Variants in TDRD3 observed in about 807,000 individuals in gnomAD.
TDRD3 encodes tudor domain-containing protein 3.
TDRD3 carries 45 observed loss-of-function variants against 86.7 expected under a neutral mutation model. The ratio of observed to expected loss-of-function variants is 0.52; its 90% confidence interval spans 0.41 to 0.67. The LOEUF (loss-of-function observed/expected upper bound fraction) is 0.67. Ranked by LOEUF, TDRD3 falls within the 30% of genes least tolerant of loss-of-function variation. The pLI, the probability that TDRD3 is intolerant of heterozygous loss-of-function variation, is 0.00. For missense variants in TDRD3, 814 were observed against 889.0 expected (o/e 0.92, Z 1.07); for synonymous variants, 298 against 301.7 (o/e 0.99, Z 0.13).
chr13:60,483,057 A>C (rs1017719990), intron 5 of TDRD3, among the ~76,000 whole-genome samples: 2 of 152,084 alleles, frequency 1.3e-5, no homozygotes, highest in Non-Finnish European at 2.9e-5. Context: ...TTTTAGAAAG[A>C]CTTTATCATG....
chr13:60,397,533 G>T lies in TDRD3; in HGVS notation c.41+128G>T, dbSNP rs866177405. On this transcript the variant is annotated intron_variant, in intron 1 of 13. Transcript: ENST00000377881. Reference sequence around the variant, plus strand: ...TGTCGTCCGCCCCCGGCCTCTCCCCGGGCCCTTCGGGCCGGCTCCGCCCCC... The same window carrying T: ...TGTCGTCCGCCCCCGGCCTCTCCCCTGGCCCTTCGGGCCGGCTCCGCCCCC... 173 of 674,648 alleles carry T rather than the reference G, an allele frequency of 2.6e-4. 2 individuals carry two copies. The East Asian group carries it at 3.5e-3, about 14-fold the overall frequency. The allele number at this position is 674,648 out of a possible 1,614,324, so 41.8% of individuals were successfully genotyped here. A position where few individuals can be genotyped will look rare whatever the true frequency, so the allele number is the denominator to read the frequency against.
chr13:60,549,916 C>T (rs1958010680), intron 12 of TDRD3, among the ~76,000 whole-genome samples: 1 of 151,848 alleles, frequency 6.6e-6, no homozygotes, highest in Non-Finnish European at 1.5e-5. Context: ...AAATAGGAAA[C>T]CAAGTAATCC....
rs1957526174 is a variant in TDRD3 at position 60,529,169 on chromosome 13, G to A, written c.1944G>A (p.Met648Ile). The A allele has an allele frequency of 6.2e-7, 1 of 1,609,294 alleles. No homozygotes were observed. ...ESSIPMEYAK[M>I]WKPGDECFAL... The stretch of plus-strand genomic sequence containing the variant: ...CTATTCCTATGGAGTATGCAAAAAT[G>A]TGGAAACCTGGAGATGAATGTTTTG... The change falls in exon 11 of 14, where the codon ATG (methionine) becomes ATA (isoleucine). Residue 648 changes from methionine (M) to isoleucine (I), a missense_variant. Coordinates refer to ENST00000377881, the MANE Select transcript of TDRD3 (RefSeq NM_001146070.2).
chr13:60,500,683 A>G (rs957949873), intron 8 of TDRD3, among the ~76,000 whole-genome samples: 3 of 152,332 alleles, frequency 2.0e-5, no homozygotes, highest in African/African-American at 4.8e-5. Flanking sequence ...GCTGTAGCCA[A>G]TGGTTTGGCT....
intron 8 of TDRD3, among the ~76,000 whole-genome samples, chr13:60,508,888 A>C (rs187809156): frequency 1.9e-4 from 29 of 152,290 alleles, no homozygotes; most frequent in African/African-American, 6.7e-4. Context: ...TACAAAAGGC[A>C]GGAAAATTTA....
chr13:60,562,360 G>A (rs1958354321), intron 12 of TDRD3, among the ~76,000 whole-genome samples: 1 of 147,200 alleles, frequency 6.8e-6, no homozygotes, highest in Non-Finnish European at 1.5e-5. Flanking sequence ...AGCTGATTCA[G>A]CTTTCAATTT....
At chr13:60,521,229 A>C (rs1957278913) in intron 10 of TDRD3, among the ~76,000 whole-genome samples, 1 of 152,272 alleles carries the variant, frequency 6.6e-6, no homozygotes, top group South Asian at 2.1e-4. Context: ...TCAATCTTGC[A>C]CCCTTAGCTA....
In TDRD3 at chr13:60,490,682, C is replaced by G. The variant is rs530847719; in HGVS notation, c.718-3753C>G. Among the ~76,000 whole-genome samples, 11 of 152,098 alleles carry G rather than the reference C, an allele frequency of 7.2e-5. No individual in the cohort carries two copies. The South Asian group carries it at 2.3e-3, about 32-fold the overall frequency. On this transcript the variant is annotated intron_variant, in intron 7 of 13. Transcript: ENST00000377881. ...ACAAGTAGAGAATTATTGAAGTAAT[C>G]TAGGATTTAAAAAAAAATGATGATG...
intron 8 of TDRD3, among the ~76,000 whole-genome samples, chr13:60,501,184 C>T (rs988202510): frequency 7.2e-5 from 11 of 152,168 alleles, no homozygotes; most frequent in Non-Finnish European, 1.5e-4. Flanking sequence ...CTGTATCATT[C>T]CCCCCGCTGG....
chr13:60,468,304 A>G (rs1224687283), intron 5 of TDRD3, among the ~76,000 whole-genome samples: 5 of 151,842 alleles, frequency 3.3e-5, no homozygotes, highest in East Asian at 1.9e-4. Context: ...ACGTTTTTCC[A>G]TTTTTACATT....
intron 8 of TDRD3, among the ~76,000 whole-genome samples, chr13:60,501,032 C>T (rs993228456): frequency 6.6e-6 from 1 of 152,174 alleles, no homozygotes; most frequent in Admixed American, 6.5e-5. Context: ...TGGCTATGGC[C>T]AGTGACTATT....
intron 10 of TDRD3, among the ~76,000 whole-genome samples, chr13:60,511,313 T>C (rs1957055551): frequency 1.3e-5 from 2 of 152,236 alleles, no homozygotes; most frequent in South Asian, 2.1e-4. Context: ...TAAGGAAATA[T>C]ACTTTTAAAT....
chr13:60,406,305 T>C (rs1385530066), intron 1 of TDRD3, among the ~76,000 whole-genome samples: 1 of 152,194 alleles, frequency 6.6e-6, no homozygotes, highest in Non-Finnish European at 1.5e-5. Flanking sequence ...ACTTGAAATA[T>C]GTCTAGTCTA....
chr13:60,512,577 G>A (rs376295311), intron 10 of TDRD3, among the ~76,000 whole-genome samples: 4 of 152,268 alleles, frequency 2.6e-5, no homozygotes, highest in East Asian at 3.9e-4. Context: ...TACAATGGGG[G>A]TACAGGCATT....
chr13:60,501,963 ACT>A (rs1266964330), intron 8 of TDRD3, among the ~76,000 whole-genome samples: 1 of 152,170 alleles, frequency 6.6e-6, no homozygotes, highest in Middle Eastern at 3.4e-3. Context: ...AGCAATGGAA[ACT>A]CTCTGTCTGA....
intron 1 of TDRD3, among the ~76,000 whole-genome samples, chr13:60,436,220 C>G (rs2137942744): frequency 6.6e-6 from 1 of 151,284 alleles, no homozygotes; most frequent in African/African-American, 2.4e-5. Flanking sequence ...TCTGTTTACT[C>G]TGCTGATGAT....
intron 1 of TDRD3, among the ~76,000 whole-genome samples, chr13:60,412,537 T>G (rs1167636552): frequency 2.0e-5 from 3 of 152,200 alleles, no homozygotes; most frequent in African/African-American, 7.2e-5. Flanking sequence ...CTTGTTGGTT[T>G]AATCATGCTG....
chr13:60,486,460 CTATT>C (rs1396385327), intron 7 of TDRD3, among the ~76,000 whole-genome samples: 4 of 151,966 alleles, frequency 2.6e-5, no homozygotes, highest in Admixed American at 2.0e-4. Context: ...CATTATATGT[CTATT>C]TACACACACA....
At chr13:60,564,653 C>A (rs1958408615) in intron 12 of TDRD3, among the ~76,000 whole-genome samples, 1 of 152,134 alleles carries the variant, frequency 6.6e-6, no homozygotes, top group African/African-American at 2.4e-5. Flanking sequence ...ATTAGATGGC[C>A]TTCCAGAACT....
Sources: allele counts gnomAD v4.1 joint callset (sites outside exome capture counted in the v4.1 genomes callset), GRCh38; gene constraint gnomAD v4.1.1; transcripts MANE v1.5; gene names NCBI Gene and HGNC (gene_info 2026-07-23, HGNC 2026-07-21).